The following MED19 variants were observed in gnomAD, a reference collection of about 807,000 sequenced individuals.
The protein encoded by MED19 is mediator complex subunit 19.
Under a neutral mutation model 19.9 loss-of-function variants are expected in MED19, and 4 were observed. That is an observed-to-expected ratio of 0.20 (90% CI 0.10 to 0.46). The LOEUF is 0.46. Among genes scored for constraint, MED19 ranks in the 20% least tolerant of loss-of-function variants. The probability of loss-of-function intolerance (pLI) is 0.99; values close to 1 mark genes in which losing one functional copy is unlikely to be tolerated. For synonymous variants in MED19, 139 were observed against 119.6 expected, an observed-to-expected ratio of 1.16 and a Z score of -1.06; for missense variants, 303 against 318.7, an observed-to-expected ratio of 0.95 and a Z score of 0.38.
intron 1 of MED19, among the ~76,000 whole-genome samples, chr11:57,709,377 G>GT (rs1031413096): frequency 7.9e-5 from 11 of 139,870 alleles, no homozygotes; most frequent in Non-Finnish European, 7.9e-5. Context: ...GCAAAACTCT[G>GT]TTTAAAAAAA....
intron 1 of MED19, among the ~76,000 whole-genome samples, chr11:57,708,871 C>A (rs375582667): frequency 1.3e-5 from 2 of 152,282 alleles, no homozygotes; most frequent in East Asian, 3.9e-4. Context: ...GGACATCAAC[C>A]ACTAACTAAT....
chr11:57,704,883 C>G lies in MED19; in HGVS notation c.475-68G>C, dbSNP rs528771019. 76 of 1,608,170 alleles carry G rather than the reference C, an allele frequency of 4.7e-5. 1 individual carries two copies. In the South Asian group the frequency reaches 7.7e-4, roughly 16 times the overall value. On this transcript the variant is annotated intron_variant, in intron 2 of 4. Coordinates refer to ENST00000431606, the Ensembl canonical transcript of MED19. ...ATCTCTCCTGCTCTTATCATCCATT[C>G]TGCTCCATTATGAAGGAACAGACTT...
chr11:57,704,210 G>A, intron 4 of MED19, 92 bp downstream of exon 4: 1 of 1,526,160 alleles, frequency 6.6e-7, no homozygotes, highest in Non-Finnish European at 8.7e-7. Flanking sequence ...TCAATCTTGG[G>A]TCCAACTTGA....
rs762194754 is a variant in MED19 at position 57,705,233 on chromosome 11, G to A, written c.218-4C>T. The stretch of plus-strand genomic sequence containing the variant: ...CTGCCTGTCAGCTCTGTGCTACCTA[G>A]ACAACGCAGAATAAAAATAAAAAAG... On this transcript the variant is annotated splice_region_variant and splice_polypyrimidine_tract_variant and intron_variant, in intron 1 of 4. Transcript: ENST00000431606. 2 of 1,612,174 alleles carry A rather than the reference G, an allele frequency of 1.2e-6. No homozygotes were observed. The highest frequency in any genetic ancestry group is 1.7e-6 in the Non-Finnish European group (2 of 1,178,586).
intron 1 of MED19, among the ~76,000 whole-genome samples, chr11:57,709,158 G>C (rs992079372): frequency 6.6e-6 from 1 of 152,168 alleles, no homozygotes; most frequent in African/African-American, 2.4e-5. Context: ...AAGGTGGGCG[G>C]ATCACCTGAG....
At chr11:57,704,891 T>C (rs1946489606) in intron 2 of MED19, 76 bp from the exon 3 acceptor site, 3 of 1,606,822 alleles carry the variant, frequency 1.9e-6, no homozygotes, top group African/African-American at 1.3e-5. Context: ...TTCTGCTCCA[T>C]TATGAAGGAA....
At chr11:57,709,753 G>A (rs781536158) in intron 1 of MED19, among the ~76,000 whole-genome samples, 2 of 152,054 alleles carry the variant, frequency 1.3e-5, no homozygotes, top group Non-Finnish European at 2.9e-5. Flanking sequence ...TAGAGATGGG[G>A]TCTCATTATG....
chr11:57,712,028 G>C (rs1473121635), exon 1 of MED19: 2 of 1,536,232 alleles, frequency 1.3e-6, no homozygotes, highest in South Asian at 2.4e-5. Flanking sequence ...GCCAGGAGGA[G>C]CCGTGGCCGC....
exon 1 of MED19, chr11:57,712,064 C>G (rs1280173312): frequency 6.5e-7 from 1 of 1,531,202 alleles, no homozygotes; most frequent in Non-Finnish European, 8.8e-7. Flanking sequence ...CGTGCCGGGT[C>G]CCCCGCCCGC....
chr11:57,704,002 G>C, exon 5 of MED19: 1 of 1,535,322 alleles, frequency 6.5e-7, no homozygotes. Context: ...CAGTACAGCA[G>C]GAAAAGCCAT....
chr11:57,704,942 C>T, intron 2 of MED19, 31 bp downstream of exon 2: 2 of 1,607,002 alleles, frequency 1.2e-6, no homozygotes, highest in Non-Finnish European at 8.5e-7. Flanking sequence ...TTAGGCCTCC[C>T]CATTTGCCTT....
chr11:57,703,846 T>C, exon 5 of MED19: 1 of 778,770 alleles, frequency 1.3e-6, no homozygotes, highest in Non-Finnish European at 1.8e-6. Context: ...GAAAACCAAC[T>C]GGGATGAGCC....
At chr11:57,711,994 A>G in exon 1 of MED19, 3 of 1,505,516 alleles carry the variant, frequency 2.0e-6, no homozygotes, top group Non-Finnish European at 2.7e-6. Context: ...AAAAAGGGCC[A>G]CAGCCAGCTC....
intron 3 of MED19, 42 bp downstream of exon 3, chr11:57,704,677 T>TC: frequency 6.5e-7 from 1 of 1,541,602 alleles, no homozygotes; most frequent in Non-Finnish European, 8.7e-7. Flanking sequence ...AGGTTTTTTT[T>TC]TTTTTTTTTT....
Position 57,712,030 on chromosome 11 carries a change from C to G in MED19, c.150G>C (p.Thr50=), listed in dbSNP as rs376584624. 5,371 of 1,535,988 alleles carry G rather than the reference C, an allele frequency of 3.5e-3. 19 individuals are homozygous for G. Among genetic ancestry groups the G allele is most frequent in the Non-Finnish European group, 3.4e-3 (3,853 of 1,138,878 alleles). The change falls in exon 1 of 5, where the codon ACG becomes ACC. Residue 50 remains threonine, a synonymous_variant. Transcript: ENST00000431606. ...CTGACTTGTCCGCGCCAGGAGGAGC[C>G]GTGGCCGCGGTGGGAGGCGGGGCCG...
At chr11:57,704,035 C>T (rs952706456) in exon 5 of MED19, 4 of 1,536,100 alleles carry the variant, frequency 2.6e-6, no homozygotes, top group Non-Finnish European at 2.6e-6. Flanking sequence ...TCCAGTGGTC[C>T]TATTAGCGTA....
chr11:57,704,216 C>T (rs974022921), intron 4 of MED19, 86 bp downstream of exon 4: 18 of 1,525,728 alleles, frequency 1.2e-5, no homozygotes, highest in African/African-American at 4.1e-5. Flanking sequence ...TTGGGTCCAA[C>T]TTGAGGCAAA....
At position 57,711,945 on chromosome 11, in the gene MED19, G is replaced by A. The variant is rs369238482; in HGVS notation, c.217+18C>T. On this transcript the variant is annotated intron_variant, in intron 1 of 4. Coordinates refer to ENST00000431606, the Ensembl canonical transcript of MED19. ...TCTAAGATTTGATTGGCTGGCTTTG[G>A]CAAGGCCGAGTACTCACCTGGCAGT... The A allele has an allele frequency of 7.1e-7, 1 of 1,407,916 alleles. No individual in the cohort carries two copies. The allele number at this position is 1,407,916 out of a possible 1,614,324, so 87.2% of individuals were successfully genotyped here. A position where few individuals can be genotyped will look rare whatever the true frequency, so the allele number is the denominator to read the frequency against.
At chr11:57,709,136 C>G (rs1033455479) in intron 1 of MED19, among the ~76,000 whole-genome samples, 1 of 152,190 alleles carries the variant, frequency 6.6e-6, no homozygotes, top group Admixed American at 6.5e-5. Context: ...AATCCTGGCA[C>G]TCTGGGAGGC....
Sources: allele counts gnomAD v4.1 joint callset (sites outside exome capture counted in the v4.1 genomes callset), GRCh38; gene constraint gnomAD v4.1.1; transcripts MANE v1.5; gene names NCBI Gene and HGNC (gene_info 2026-07-23, HGNC 2026-07-21).